SMIM43: variants seen among roughly 807,000 people sequenced by gnomAD.
SMIM43 encodes the protein Nodal Enhanced MEsendoderm Peptide.
chr4:121,761,981 G>T, intron 3 of SMIM43, 89 bp from the exon 4 acceptor site: 1 of 1,168,624 alleles, frequency 8.6e-7, no homozygotes, highest in Non-Finnish European at 1.2e-6. Flanking sequence ...TCCTTATAAT[G>T]TAAGAAATTC....
rs997663815 is a variant in SMIM43, at chr4:121,760,500, C to T, written c.*500-26G>A. ...CTGGAGGAAAAAGCCAAGGGAACCT[C>T]AGCAGCCACCTTAATTAAGCCTGAC... is the stretch of plus-strand genomic sequence containing the variant. On this transcript the variant is annotated intron_variant, in intron 5 of 5. Transcript: ENST00000643802. 2.7e-6 allele frequency: 4 copies of T among 1,505,758 alleles called. No homozygotes were observed. In the African/African-American group the frequency reaches 5.6e-5, roughly 21 times the overall value. 93.3% of individuals were successfully genotyped at this position (1,505,758 alleles called of 1,614,324 possible).
chr4:121,759,743 G>A lies in SMIM43; in HGVS notation c.*1231C>T, dbSNP rs1725951170. 6.6e-6 allele frequency: 1 copy of A among 152,204 alleles called. No individual in the cohort carries two copies. Among genetic ancestry groups the A allele is most frequent in the Admixed American group, 6.5e-5 (1 of 15,280 alleles). The allele number at this position is 152,204 out of a possible 1,614,324, so 9.4% of individuals were successfully genotyped here. The stretch of plus-strand genomic sequence containing the variant: ...ACTGGTGGTGGAGTCACAGAAAGGA[G>A]TAAGGTAGCCTTTCTTTGCGTAGAT... On this transcript the variant is annotated 3_prime_UTR_variant, in exon 6 of 6. Coordinates refer to ENST00000643802, the MANE Select transcript of SMIM43 (RefSeq NM_001384332.1).
At chr4:121,764,761 G>T (rs71631407) in intron 1 of SMIM43, 56 bp downstream of exon 1, 42,570 of 394,386 alleles carry the variant, frequency 0.11, 2,671 homozygotes, top group Admixed American at 0.16. Context: ...GAGCGGAGAC[G>T]CGGGTCCCTG....
intron 1 of SMIM43, 38 bp downstream of exon 1, chr4:121,764,779 C>T (rs1726261848): frequency 7.6e-6 from 3 of 395,094 alleles, no homozygotes; most frequent in Non-Finnish European, 1.3e-5. Flanking sequence ...CTGCGCCTCA[C>T]GCCGGAACGG....
chr4:121,760,143 T>C lies in SMIM43; in HGVS notation c.*831A>G. The C allele has an allele frequency of 8.0e-7, 1 of 1,257,406 alleles. No individual in the cohort carries two copies. Among genetic ancestry groups the C allele is most frequent in the Non-Finnish European group, 1.1e-6 (1 of 922,500 alleles). The allele number at this position is 1,257,406 out of a possible 1,614,324, so 77.9% of individuals were successfully genotyped here. A position where few individuals can be genotyped will look rare whatever the true frequency, so the allele number is the denominator to read the frequency against. The stretch of plus-strand genomic sequence containing the variant: ...GAAGGAACTAGAGTTTTGATCTTTT[T>C]GAACTTTATGCTCCTCTGCAACTGT... On this transcript the variant is annotated 3_prime_UTR_variant, in exon 6 of 6. Coordinates refer to ENST00000643802, the MANE Select transcript of SMIM43 (RefSeq NM_001384332.1).
intron 5 of SMIM43, among the ~76,000 whole-genome samples, chr4:121,760,685 G>T (rs937952047): frequency 2.6e-5 from 4 of 152,292 alleles, no homozygotes; most frequent in Admixed American, 1.3e-4. Flanking sequence ...CAATAGGAAA[G>T]TGTGATTTTT....
At chr4:121,762,516 T>A (rs1333163340) in intron 3 of SMIM43, 1 of 152,034 alleles carries the variant, frequency 6.6e-6, no homozygotes, top group Non-Finnish European at 1.5e-5. Flanking sequence ...GAGCTTAGAG[T>A]CAAGTTCCAA....
In SMIM43 at chr4:121,761,706, A is replaced by G. The variant is rs746315412; in HGVS notation, c.*342-11T>C. On this transcript the variant is annotated splice_polypyrimidine_tract_variant and intron_variant, in intron 4 of 5. Coordinates refer to ENST00000643802, the MANE Select transcript of SMIM43 (RefSeq NM_001384332.1). Reference sequence around the variant, plus strand: ...ATCTACAGCTGTGCCCTAAAATTGAAGTTCAGACATAGGAATCTACTTTAT... The same window carrying G: ...ATCTACAGCTGTGCCCTAAAATTGAGGTTCAGACATAGGAATCTACTTTAT... 7.4e-5 allele frequency: 120 copies of G among 1,610,784 alleles called. No individual in the cohort carries two copies. The highest frequency in any genetic ancestry group is 9.8e-5 in the Non-Finnish European group (116 of 1,179,330).
rs1247520126 is a variant in SMIM43, at chr4:121,759,747, G to C, written c.*1227C>G. On this transcript the variant is annotated 3_prime_UTR_variant, in exon 6 of 6. Transcript: ENST00000643802. ...GTGGTGGAGTCACAGAAAGGAGTAA[G>C]GTAGCCTTTCTTTGCGTAGATTCCC... 1 of 152,210 alleles carries C rather than the reference G, an allele frequency of 6.6e-6. No homozygotes were observed. The highest frequency in any genetic ancestry group is 2.4e-5 in the African/African-American group (1 of 41,430). 9.4% of individuals were successfully genotyped at this position (152,210 alleles called of 1,614,324 possible). A position where few individuals can be genotyped will look rare whatever the true frequency, so the allele number is the denominator to read the frequency against.
intron 3 of SMIM43, among the ~76,000 whole-genome samples, chr4:121,762,305 G>C (rs763867655): frequency 2.6e-5 from 4 of 152,132 alleles, no homozygotes; most frequent in Non-Finnish European, 5.9e-5. Flanking sequence ...AAAATTGTGA[G>C]TTTGAAAGTA....
chr4:121,765,229 C>T (rs1355217521), upstream of SMIM43: 1 of 381,586 alleles, frequency 2.6e-6, no homozygotes, highest in Admixed American at 4.5e-5. Flanking sequence ...CCGCTATGGG[C>T]GCCGACTCCG....
intron 3 of SMIM43, 64 bp from the exon 4 acceptor site, chr4:121,761,956 G>C: frequency 7.5e-7 from 1 of 1,329,136 alleles, no homozygotes; most frequent in Non-Finnish European, 1.0e-6. Context: ...TTACATAATA[G>C]AATTATGGCT....
intron 4 of SMIM43, 65 bp downstream of exon 4, chr4:121,761,765 T>C: frequency 1.9e-6 from 3 of 1,609,860 alleles, no homozygotes; most frequent in Non-Finnish European, 2.5e-6. Context: ...GTGAGTGTGA[T>C]GTCATTCTCA....
rs1352339919 is a variant in SMIM43 at position 121,759,261 on chromosome 4, T to A, written c.*1713A>T. The stretch of plus-strand genomic sequence containing the variant: ...GCAATATATAGATGTCAAGTTAACA[T>A]CTTGAATTTAATTCCAAATACCATT... On this transcript the variant is annotated 3_prime_UTR_variant, in exon 6 of 6. Transcript: ENST00000643802. The A allele has an allele frequency of 6.6e-6, 1 of 152,208 alleles. No homozygotes were observed. Among genetic ancestry groups the A allele is most frequent in the Non-Finnish European group, 1.5e-5 (1 of 68,036 alleles). The allele number at this position is 152,208 out of a possible 1,614,324, so 9.4% of individuals were successfully genotyped here. A position where few individuals can be genotyped will look rare whatever the true frequency, so the allele number is the denominator to read the frequency against.
chr4:121,765,184 C>T (rs2110531720), upstream of SMIM43: 1 of 389,684 alleles, frequency 2.6e-6, no homozygotes, highest in South Asian at 1.3e-4. Context: ...GCCCGCACAC[C>T]CACCTCCCGC....
chr4:121,762,203 G>A (rs7696481), intron 3 of SMIM43, among the ~76,000 whole-genome samples: 497 of 152,208 alleles, frequency 3.3e-3, no homozygotes, highest in African/African-American at 0.012. Flanking sequence ...GGATCGTCAG[G>A]GGATGGAGTA....
chr4:121,765,393 C>A (rs1726305304), upstream of SMIM43: 3 of 249,750 alleles, frequency 1.2e-5, no homozygotes, highest in Admixed American at 1.7e-4. Context: ...TAGGAGCGAA[C>A]TTCCGCGGGC....
intron 1 of SMIM43, 124 bp from the exon 2 acceptor site, chr4:121,763,996 T>C (rs908502757): frequency 1.3e-5 from 2 of 152,204 alleles, no homozygotes; most frequent in African/African-American, 4.8e-5. Flanking sequence ...TGCCCGCCCA[T>C]CTTCTGCAAA....
In SMIM43 at chr4:121,760,375, G is replaced by A. The variant is rs1725990568; in HGVS notation, c.*599C>T. On this transcript the variant is annotated 3_prime_UTR_variant, in exon 6 of 6. Transcript: ENST00000643802. Reference sequence around the variant, plus strand: ...AGGCAAAAGTTATTGGGCTGCTGAGGAAGCTCTTTAAAAGGAAGTGGATTT... The same window carrying A: ...AGGCAAAAGTTATTGGGCTGCTGAGAAAGCTCTTTAAAAGGAAGTGGATTT... 1.7e-5 allele frequency: 28 copies of A among 1,609,396 alleles called. No homozygotes were observed. The highest frequency in any genetic ancestry group is 2.0e-5 in the Non-Finnish European group (24 of 1,177,438).
Sources: allele counts gnomAD v4.1 joint callset (sites outside exome capture counted in the v4.1 genomes callset), GRCh38; gene constraint gnomAD v4.1.1; transcripts MANE v1.5; gene names NCBI Gene and HGNC (gene_info 2026-07-23, HGNC 2026-07-21).